The following AFG2A variants were observed in gnomAD, a reference collection of about 807,000 sequenced individuals.
The protein encoded by AFG2A is ATPase family gene 2 protein homolog A.
the AFG2A span, among the ~76,000 whole-genome samples, chr4:123,201,727 T>G: frequency 2.0e-5 from 3 of 152,176 alleles, no homozygotes; most frequent in Admixed American, 6.5e-5. Flanking sequence ...AATACCAGCC[T>G]GGGCAACATA....
chr4:123,313,213 A>G, the AFG2A span, among the ~76,000 whole-genome samples: 1 of 151,662 alleles, frequency 6.6e-6, no homozygotes, highest in African/African-American at 2.4e-5. Flanking sequence ...CTCTGCATCC[A>G]TTCCGCCCCC....
At chr4:122,987,148 A>T in the AFG2A span, among the ~76,000 whole-genome samples, 1 of 151,938 alleles carries the variant, frequency 6.6e-6, no homozygotes, top group African/African-American at 2.4e-5. Flanking sequence ...CTCTATTTTG[A>T]TTGCTATTTG....
chr4:122,976,479 C>CTT, the AFG2A span, among the ~76,000 whole-genome samples: 1 of 152,178 alleles, frequency 6.6e-6, no homozygotes, highest in South Asian at 2.1e-4. Flanking sequence ...TTCCTGGCTG[C>CTT]TTTAGTACCT....
At chr4:123,176,792 G>A in the AFG2A span, among the ~76,000 whole-genome samples, 19 of 151,152 alleles carry the variant, frequency 1.3e-4, no homozygotes, top group African/African-American at 4.6e-4. Flanking sequence ...AAGAGTGGGA[G>A]AGGACCTGTA....
chr4:122,952,355 T>C, the AFG2A span, among the ~76,000 whole-genome samples: 1 of 152,116 alleles, frequency 6.6e-6, no homozygotes, highest in Non-Finnish European at 1.5e-5. Flanking sequence ...TTCAGCTGGT[T>C]CAAAGGCCTC....
chr4:122,951,829 T>G, the AFG2A span, among the ~76,000 whole-genome samples: 1 of 152,050 alleles, frequency 6.6e-6, no homozygotes, highest in Non-Finnish European at 1.5e-5. Context: ...CATTGGGCGG[T>G]CAGACATTGG....
At chr4:122,984,246 C>T in the AFG2A span, among the ~76,000 whole-genome samples, 1 of 152,030 alleles carries the variant, frequency 6.6e-6, no homozygotes, top group African/African-American at 2.4e-5. Flanking sequence ...TGATTTGATA[C>T]TCTGCTTGGT....
chr4:123,312,235 C>A, the AFG2A span, among the ~76,000 whole-genome samples: 5 of 152,154 alleles, frequency 3.3e-5, no homozygotes, highest in East Asian at 5.8e-4. Flanking sequence ...TGTTCCCAAC[C>A]ATTATGTGCC....
chr4:123,236,320 T>C, the AFG2A span, among the ~76,000 whole-genome samples: 1 of 152,206 alleles, frequency 6.6e-6, no homozygotes, highest in African/African-American at 2.4e-5. Context: ...ATGATAAGCT[T>C]TCTGTAAACC....
At chr4:123,122,771 C>T in the AFG2A span, among the ~76,000 whole-genome samples, 1 of 145,142 alleles carries the variant, frequency 6.9e-6, no homozygotes, top group Admixed American at 6.8e-5. Flanking sequence ...GCCATGTCAT[C>T]TGTTTTTTTG....
At chr4:123,179,991 G>A in the AFG2A span, among the ~76,000 whole-genome samples, 1 of 152,190 alleles carries the variant, frequency 6.6e-6, no homozygotes, top group South Asian at 2.1e-4. Context: ...AGGCTGAGGC[G>A]GGAAGATCAC....
At chr4:123,053,037 C>T in the AFG2A span, among the ~76,000 whole-genome samples, 1 of 152,156 alleles carries the variant, frequency 6.6e-6, no homozygotes, top group African/African-American at 2.4e-5. Flanking sequence ...CTTCTTCCAC[C>T]TGCTTTTTCT....
the AFG2A span, chr4:122,928,919 TGG>T: frequency 8.1e-7 from 1 of 1,239,984 alleles, no homozygotes; most frequent in Non-Finnish European, 1.1e-6. Context: ...TAACTCTTTT[TGG>T]GTAAAGACTG....
At chr4:123,282,548 C>T in the AFG2A span, among the ~76,000 whole-genome samples, 1 of 152,108 alleles carries the variant, frequency 6.6e-6, no homozygotes, top group East Asian at 1.9e-4. Context: ...AGTATCAATT[C>T]GTGTTTTACA....
the AFG2A span, among the ~76,000 whole-genome samples, chr4:123,046,862 C>G: frequency 1.3e-5 from 2 of 152,152 alleles, no homozygotes; most frequent in African/African-American, 4.8e-5. Flanking sequence ...ACATTTTTAG[C>G]TTGCACATAT....
chr4:123,209,356 A>G, the AFG2A span, among the ~76,000 whole-genome samples: 3 of 152,114 alleles, frequency 2.0e-5, no homozygotes, highest in Non-Finnish European at 4.4e-5. Flanking sequence ...GAAATCCCCC[A>G]TATATTTAGG....
the AFG2A span, among the ~76,000 whole-genome samples, chr4:123,199,717 G>A: frequency 6.6e-6 from 1 of 151,878 alleles, no homozygotes; most frequent in African/African-American, 2.4e-5. Flanking sequence ...TGGTCTGCCC[G>A]CCTCAGGCTC....
At chr4:123,304,594 T>C in the AFG2A span, among the ~76,000 whole-genome samples, 10 of 152,348 alleles carry the variant, frequency 6.6e-5, no homozygotes, top group South Asian at 1.2e-3. Flanking sequence ...AGACAGAAGA[T>C]GCTTTTAACA....
the AFG2A span, among the ~76,000 whole-genome samples, chr4:123,303,346 C>A: frequency 6.6e-6 from 1 of 152,092 alleles, no homozygotes; most frequent in Non-Finnish European, 1.5e-5. Context: ...CATTGCAAGA[C>A]CCCGTCTCCT....
Sources: allele counts gnomAD v4.1 joint callset (sites outside exome capture counted in the v4.1 genomes callset), GRCh38; gene constraint gnomAD v4.1.1; transcripts MANE v1.5; gene names NCBI Gene and HGNC (gene_info 2026-07-23, HGNC 2026-07-21).